The following DLGAP2 variants were observed in gnomAD, a reference collection of about 807,000 sequenced individuals.
DLGAP2 encodes disks large-associated protein 2.
A neutral mutation model predicts 100.3 loss-of-function variants in DLGAP2; 26 were observed. That is an observed-to-expected ratio of 0.26 (90% CI 0.19 to 0.36). The LOEUF (loss-of-function observed/expected upper bound fraction) is 0.36, where lower values mean the gene tolerates loss of function less well. Ranked by LOEUF, DLGAP2 falls within the 10% of genes least tolerant of loss-of-function variation. The pLI is 1.00. For synonymous variants in DLGAP2, 886 were observed against 630.1 expected, an observed-to-expected ratio of 1.41 and a Z score of -6.08; for missense variants, 1,858 against 1,453.2, an observed-to-expected ratio of 1.28 and a Z score of -4.53.
In DLGAP2 at chr8:771,286, C is replaced by G. The variant is rs368017816; in HGVS notation, c.18+33461C>G. On this transcript the variant is annotated intron_variant, in intron 1 of 14. Coordinates refer to ENST00000637795, the MANE Select transcript of DLGAP2 (RefSeq NM_001346810.2). The stretch of plus-strand genomic sequence containing the variant: ...TAAGAGATATGAGTTTTAATGCAAA[C>G]GTGCTGTGCAGAGGCATTTTGTAAA... 3.9e-5 allele frequency among the ~76,000 whole-genome samples: 6 copies of G among 152,280 alleles called. 1 individual carries two copies. Among genetic ancestry groups the G allele is most frequent in the African/African-American group, 1.4e-4 (6 of 41,556 alleles).
At chr8:1,297,589 G>A (rs111681084) in intron 3 of DLGAP2, among the ~76,000 whole-genome samples, 17 of 95,234 alleles carry the variant, frequency 1.8e-4, no homozygotes, top group African/African-American at 8.0e-4. Context: ...GAGGAGAAAC[G>A]TGGCAGGCAT....
intron 2 of DLGAP2, among the ~76,000 whole-genome samples, chr8:1,221,780 G>A (rs968346304): frequency 9.2e-5 from 14 of 152,212 alleles, no homozygotes; most frequent in African/African-American, 3.4e-4. Flanking sequence ...ATTTCTCAGA[G>A]GTTTTCTTCA....
intron 4 of DLGAP2, among the ~76,000 whole-genome samples, chr8:1,523,172 C>T (rs1200698909): frequency 7.9e-5 from 12 of 152,206 alleles, no homozygotes; most frequent in Admixed American, 7.9e-4. Flanking sequence ...GAAAAGGCCC[C>T]CCTCTGGTGG....
intron 4 of DLGAP2, among the ~76,000 whole-genome samples, chr8:1,518,837 G>A (rs1800486627): frequency 1.3e-5 from 2 of 152,216 alleles, no homozygotes; most frequent in Non-Finnish European, 2.9e-5. Flanking sequence ...GATTGTATGT[G>A]TGTGCACATC....
chr8:977,770 T>TCGGGGATGCAGTGAGGAC (rs1800206895), intron 2 of DLGAP2, among the ~76,000 whole-genome samples: 1 of 104,890 alleles, frequency 9.5e-6, no homozygotes, highest in African/African-American at 3.3e-5. Context: ...TCTTTGGTGT[T>TCGGGGATGCAGTGAGGAC]GTGGGGAGGG....
chr8:1,246,597 A>G (rs1471244380), intron 2 of DLGAP2, among the ~76,000 whole-genome samples: 1 of 152,240 alleles, frequency 6.6e-6, no homozygotes, highest in Non-Finnish European at 1.5e-5. Context: ...ACTACTAGGA[A>G]ATCCTAAACT....
At chr8:868,747 CACAA>C (rs1048369675) in intron 1 of DLGAP2, among the ~76,000 whole-genome samples, 4 of 152,142 alleles carry the variant, frequency 2.6e-5, no homozygotes, top group Non-Finnish European at 4.4e-5. Flanking sequence ...AGTCCTCTTG[CACAA>C]ACAGTGTTCC....
chr8:848,921 CGCG>C (rs1563061921), intron 1 of DLGAP2, among the ~76,000 whole-genome samples: 1 of 133,540 alleles, frequency 7.5e-6, no homozygotes, highest in South Asian at 2.5e-4. Flanking sequence ...CATAGGAACG[CGCG>C]GTGCCTGTTC....
At chr8:774,028 A>G in intron 1 of DLGAP2, among the ~76,000 whole-genome samples, 1 of 152,128 alleles carries the variant, frequency 6.6e-6, no homozygotes, top group Non-Finnish European at 1.5e-5. Flanking sequence ...TCACTTTTTA[A>G]TGATTGCCAT....
intron 1 of DLGAP2, among the ~76,000 whole-genome samples, chr8:848,900 G>A (rs1327892386): frequency 7.3e-6 from 1 of 137,606 alleles, no homozygotes; most frequent in Non-Finnish European, 1.6e-5. Flanking sequence ...AACGCGCGGT[G>A]CCTGTTCCAG....
chr8:1,246,364 A>C (rs1798900352), intron 2 of DLGAP2, among the ~76,000 whole-genome samples: 1 of 152,156 alleles, frequency 6.6e-6, no homozygotes, highest in Non-Finnish European at 1.5e-5. Flanking sequence ...GGAGGCACTA[A>C]CCGCTTTCCC....
chr8:925,815 T>G (rs966438228), intron 2 of DLGAP2, among the ~76,000 whole-genome samples: 2 of 152,152 alleles, frequency 1.3e-5, no homozygotes, highest in African/African-American at 4.8e-5. Flanking sequence ...CATGTGTCCA[T>G]TCTAGCATGA....
At chr8:751,535 T>A (rs1185568671) in intron 1 of DLGAP2, among the ~76,000 whole-genome samples, 3 of 152,250 alleles carry the variant, frequency 2.0e-5, no homozygotes, top group Admixed American at 2.0e-4. Context: ...TCTCTGAGTT[T>A]CTTGTCTCTT....
chr8:1,488,404 A>C (rs1302117542), intron 3 of DLGAP2, among the ~76,000 whole-genome samples: 2 of 152,210 alleles, frequency 1.3e-5, no homozygotes, highest in African/African-American at 4.8e-5. Flanking sequence ...GATGCCAGAA[A>C]AGGAGTGGCT....
At chr8:1,292,661 C>T (rs1189269857) in intron 3 of DLGAP2, among the ~76,000 whole-genome samples, 1 of 152,212 alleles carries the variant, frequency 6.6e-6, no homozygotes, top group Non-Finnish European at 1.5e-5. Flanking sequence ...CGGCCTCCGT[C>T]GCTCGGACGC....
intron 4 of DLGAP2, among the ~76,000 whole-genome samples, chr8:1,504,312 C>T (rs1213566568): frequency 2.0e-5 from 3 of 151,930 alleles, no homozygotes; most frequent in South Asian, 2.1e-4. Context: ...TAGTATACAA[C>T]GTGATGTTTT....
intron 6 of DLGAP2, among the ~76,000 whole-genome samples, chr8:1,585,074 T>A (rs1269064815): frequency 1.3e-5 from 2 of 152,218 alleles, no homozygotes; most frequent in Non-Finnish European, 2.9e-5. Context: ...CATATTTTAC[T>A]TCAACATCTA....
At chr8:1,019,543 G>A (rs987251828) in intron 2 of DLGAP2, 2 of 151,990 alleles carry the variant, frequency 1.3e-5, no homozygotes, top group Admixed American at 6.6e-5. Context: ...CGACTTCACC[G>A]TCTGTCGTCA....
intron 1 of DLGAP2, among the ~76,000 whole-genome samples, chr8:892,395 T>C (rs1414381830): frequency 6.6e-6 from 1 of 151,930 alleles, no homozygotes; most frequent in African/African-American, 2.4e-5. Context: ...CCGACGAGGC[T>C]ATGGGGTGGA....
Sources: gnomAD v4.1 joint callset for allele counts (sites outside exome capture counted in the v4.1 genomes callset) on GRCh38, gnomAD v4.1.1 for gene constraint, MANE v1.5 for transcripts, NCBI Gene and HGNC (gene_info 2026-07-23, HGNC 2026-07-21) for gene names.